RTN3: variants seen among roughly 807,000 people sequenced by gnomAD.
RTN3 encodes the protein reticulon 3, also known as reticulon-3.
RTN3 carries 49 observed loss-of-function variants against 77.8 expected under a neutral mutation model. The observed-to-expected ratio is 0.63, with a 90% CI of 0.50 to 0.80. RTN3 has a LOEUF of 0.80. Among genes scored for constraint, RTN3 ranks in the 30% least tolerant of loss-of-function variants. The pLI is 0.00. For synonymous variants in RTN3, 464 were observed against 446.9 expected, an observed-to-expected ratio of 1.04 and a Z score of -0.48; for missense variants, 1,236 against 1,211.9, an observed-to-expected ratio of 1.02 and a Z score of -0.29.
At chr11:63,697,536 T>C (rs1942026678) in intron 1 of RTN3, among the ~76,000 whole-genome samples, 1 of 151,894 alleles carries the variant, frequency 6.6e-6, no homozygotes, top group Non-Finnish European at 1.5e-5. Context: ...AGTGCAATGG[T>C]GCGATACTGG....
chr11:63,740,117 A>T (rs1158760537), intron 3 of RTN3, among the ~76,000 whole-genome samples: 3 of 152,180 alleles, frequency 2.0e-5, no homozygotes, highest in Non-Finnish European at 4.4e-5. Flanking sequence ...GTGATGTATC[A>T]TACTGCCTCT....
chr11:63,733,325 T>G (rs2012828290), intron 3 of RTN3, among the ~76,000 whole-genome samples: 1 of 151,992 alleles, frequency 6.6e-6, no homozygotes, highest in Non-Finnish European at 1.5e-5. Context: ...CCGTCTCTAC[T>G]AAAAACACAA....
chr11:63,695,167 T>C (rs1941874481), intron 1 of RTN3, among the ~76,000 whole-genome samples: 1 of 152,248 alleles, frequency 6.6e-6, no homozygotes, highest in East Asian at 1.9e-4. Context: ...ATCTGAAAGA[T>C]ACGAAGATAT....
intron 5 of RTN3, 111 bp from the exon 6 acceptor site, chr11:63,752,958 C>A: frequency 1.9e-6 from 2 of 1,048,278 alleles, no homozygotes; most frequent in Admixed American, 2.0e-5. Flanking sequence ...TTGTCCATGT[C>A]ACACATCACT....
rs2011570873 is a variant in RTN3, at chr11:63,719,097, T to C, written c.595T>C (p.Leu199=). 2.5e-6 allele frequency: 4 copies of C among 1,614,052 alleles called. No homozygotes were observed. The highest frequency in any genetic ancestry group is 2.2e-5 in the South Asian group (2 of 91,082). ...GVSSREAKTA[L]DADDRFTLLT... is the part of the protein sequence containing the mutation. ...ATCAAGTAGGGAGGCTAAAACTGCA[T>C]TGGATGCTGATGACAGATTCACTTT... The change falls in exon 3 of 9, where the codon TTG becomes CTG. Residue 199 remains leucine, a synonymous_variant. Coordinates refer to ENST00000377819, the MANE Select transcript of RTN3 (RefSeq NM_001265589.2).
intron 2 of RTN3, among the ~76,000 whole-genome samples, chr11:63,712,021 A>G (rs958797070): frequency 6.6e-6 from 1 of 152,228 alleles, no homozygotes; most frequent in Non-Finnish European, 1.5e-5. Context: ...CTTTATCTGC[A>G]TAGAACCTAG....
Position 63,681,688 on chromosome 11 carries a change from T to C in RTN3, c.52T>C (p.Phe18Leu). Reference sequence around the variant, plus strand: ...GTCCCATTCCATCTCCTCGTCGTCCTTCGGAGCCGAGCCGTCCGCGCCCGG... The same window carrying C: ...GTCCCATTCCATCTCCTCGTCGTCCCTCGGAGCCGAGCCGTCCGCGCCCGG... Reference protein sequence around the residue: ...TQSHSISSSSFGAEPSAPGGG... With the variant: ...TQSHSISSSSLGAEPSAPGGG... Residue 18 changes from phenylalanine to leucine, a missense_variant, in exon 1 of 9, where the codon TTC (phenylalanine) becomes CTC (leucine). Transcript: ENST00000377819. 1 of 1,611,578 alleles carries C rather than the reference T, an allele frequency of 6.2e-7. No individual in the cohort carries two copies. Among genetic ancestry groups the C allele is most frequent in the Non-Finnish European group, 8.5e-7 (1 of 1,178,938 alleles).
At chr11:63,700,086 T>C (rs755348838) in intron 1 of RTN3, among the ~76,000 whole-genome samples, 11 of 151,684 alleles carry the variant, frequency 7.3e-5, no homozygotes, top group Non-Finnish European at 1.2e-4. Flanking sequence ...TAGGAGGGAG[T>C]GGTGTTAGGT....
At chr11:63,709,984 CT>C (rs1385341268) in intron 2 of RTN3, among the ~76,000 whole-genome samples, 1 of 152,160 alleles carries the variant, frequency 6.6e-6, no homozygotes, top group Admixed American at 6.5e-5. Flanking sequence ...ACTATTTACT[CT>C]TTTTAGGAAG....
chr11:63,730,062 G>A (rs1206343127), intron 3 of RTN3, among the ~76,000 whole-genome samples: 1 of 152,144 alleles, frequency 6.6e-6, no homozygotes, highest in African/African-American at 2.4e-5. Context: ...TGCCTTCCGG[G>A]TTCAAGGGAT....
chr11:63,746,864 C>A, intron 3 of RTN3: 1 of 411,600 alleles, frequency 2.4e-6, no homozygotes, highest in Non-Finnish European at 5.0e-6. Context: ...ATAAACAGTA[C>A]TTTTGTCAAT....
chr11:63,716,226 C>T (rs1272352132), intron 2 of RTN3, among the ~76,000 whole-genome samples: 1 of 152,118 alleles, frequency 6.6e-6, no homozygotes, highest in Non-Finnish European at 1.5e-5. Context: ...AAAACATTTT[C>T]ATAATACTGG....
Position 63,751,859 on chromosome 11 carries a change from G to T in RTN3, c.2739-648G>T, listed in dbSNP as rs111236759. ...ATATGAAAATTAGCCGGGCAAGGTG[G>T]CAGGTGCCTGTAATCCCAGCTATTC... is the stretch of plus-strand genomic sequence containing the variant. On this transcript the variant is annotated intron_variant, in intron 4 of 8. Transcript: ENST00000377819. 2.5e-3 allele frequency among the ~76,000 whole-genome samples: 387 copies of T among 152,222 alleles called. 4 individuals are homozygous for T. Among genetic ancestry groups the T allele is most frequent in the African/African-American group, 8.0e-3 (334 of 41,536 alleles).
At chr11:63,748,057 A>C (rs1001642052) in intron 3 of RTN3, among the ~76,000 whole-genome samples, 1 of 152,008 alleles carries the variant, frequency 6.6e-6, no homozygotes, top group Non-Finnish European at 1.5e-5. Context: ...TTATGCCTGT[A>C]ATCCCAGCAC....
Position 63,719,384 on chromosome 11 carries a change from T to C in RTN3, c.882T>C (p.Leu294=), listed in dbSNP as rs1274592399. 6.2e-7 allele frequency: 1 copy of C among 1,614,164 alleles called. No homozygotes were observed. The highest frequency in any genetic ancestry group is 1.7e-5 in the Admixed American group (1 of 60,006). ...SEDISETNDK[L]FPLRNKEAGR... is the part of the protein sequence containing the mutation. ...ACATTTCAGAGACTAATGACAAGCT[T>C]TTTCCACTGAGAAATAAAGAGGCAG... The change falls in exon 3 of 9, where the codon CTT becomes CTC. Residue 294 remains leucine (L), a synonymous_variant. Coordinates refer to ENST00000377819, the MANE Select transcript of RTN3 (RefSeq NM_001265589.2).
chr11:63,705,691 G>A (rs1313378107), intron 2 of RTN3, among the ~76,000 whole-genome samples: 1 of 152,238 alleles, frequency 6.6e-6, no homozygotes, highest in Non-Finnish European at 1.5e-5. Context: ...ATAAAAGCTA[G>A]GCTAGTTCCA....
chr11:63,700,164 G>A (rs1185619899), intron 1 of RTN3, among the ~76,000 whole-genome samples: 3 of 151,746 alleles, frequency 2.0e-5, no homozygotes, highest in South Asian at 4.1e-4. Flanking sequence ...GAAGTATTTG[G>A]TTTTTCAGGT....
chr11:63,756,905 G>A (rs1265686353), intron 8 of RTN3, among the ~76,000 whole-genome samples: 3 of 152,176 alleles, frequency 2.0e-5, no homozygotes, highest in African/African-American at 4.8e-5. Context: ...AATTAGCCAG[G>A]TGTGGTGGCA....
At chr11:63,714,311 A>G (rs1310428782) in intron 2 of RTN3, 2 of 324,128 alleles carry the variant, frequency 6.2e-6, no homozygotes, top group East Asian at 8.0e-5. Context: ...TAGCGCCTGC[A>G]TCTCACAATC....
Sources: gnomAD v4.1 joint callset for allele counts (sites outside exome capture counted in the v4.1 genomes callset) on GRCh38, gnomAD v4.1.1 for gene constraint, MANE v1.5 for transcripts, NCBI Gene and HGNC (gene_info 2026-07-23, HGNC 2026-07-21) for gene names.